NBEA: variants seen among roughly 807,000 people sequenced by gnomAD.
The protein encoded by NBEA is neurobeachin.
Under a neutral mutation model 343.4 loss-of-function variants are expected in NBEA, and 44 were observed. The observed-to-expected ratio is 0.13, with a 90% CI of 0.10 to 0.16. The LOEUF (loss-of-function observed/expected upper bound fraction) is 0.16, where lower values mean the gene tolerates loss of function less well. Among genes scored for constraint, NBEA ranks in the 10% least tolerant of loss-of-function variants. The pLI is 1.00. For synonymous variants in NBEA, 1,175 were observed against 1,238.7 expected, an observed-to-expected ratio of 0.95 and a Z score of 1.08; for missense variants, 2,555 against 3,631.3, an observed-to-expected ratio of 0.70 and a Z score of 7.62.
At chr13:35,093,489 T>C (rs1461127758) in intron 10 of NBEA, among the ~76,000 whole-genome samples, 1 of 152,042 alleles carries the variant, frequency 6.6e-6, no homozygotes, top group Non-Finnish European at 1.5e-5. Context: ...TTCCAGCACT[T>C]CTAGTGTATG....
intron 31 of NBEA, among the ~76,000 whole-genome samples, chr13:35,204,881 C>T (rs533729830): frequency 4.3e-4 from 65 of 152,184 alleles, no homozygotes; most frequent in Admixed American, 3.3e-4. Flanking sequence ...GGTACCTAGA[C>T]TTCTAGGTAA....
rs779227660 is a variant in NBEA at position 35,048,637 on chromosome 13, T to C, written c.798T>C (p.Asp266=). The change falls in exon 5 of 59, where the codon GAT becomes GAC. Residue 266 remains aspartate, a synonymous_variant. Coordinates refer to ENST00000379939, the MANE Select transcript of NBEA (RefSeq NM_001385012.1). ...CCTTAAACACTTGGTTTCGTATGGATCCATTAAATAATATTAATGTTGATA... is the reference window on the plus strand; with the variant it reads ...CCTTAAACACTTGGTTTCGTATGGACCCATTAAATAATATTAATGTTGATA... ...GFTLNTWFRM[D]PLNNINVDKD... The C allele has an allele frequency of 6.7e-7, 1 of 1,482,508 alleles. No individual in the cohort carries two copies. The highest frequency in any genetic ancestry group is 9.4e-7 in the Non-Finnish European group (1 of 1,065,838). The allele number at this position is 1,482,508 out of a possible 1,614,324, so 91.8% of individuals were successfully genotyped here. A position where few individuals can be genotyped will look rare whatever the true frequency, so the allele number is the denominator to read the frequency against.
At chr13:35,354,723 A>G (rs755367671) in intron 38 of NBEA, among the ~76,000 whole-genome samples, 2 of 152,204 alleles carry the variant, frequency 1.3e-5, no homozygotes, top group Admixed American at 1.3e-4. Context: ...AATAGGGCTC[A>G]GTCATTGGAC....
At chr13:35,593,277 G>C in intron 46 of NBEA, 51 bp from the exon 47 acceptor site, 1 of 1,594,920 alleles carries the variant, frequency 6.3e-7, no homozygotes, top group Non-Finnish European at 8.6e-7. Context: ...AAAGGAACGA[G>C]GGCAGCTGTG....
chr13:35,297,338 A>G (rs1005296378), intron 35 of NBEA, among the ~76,000 whole-genome samples: 10 of 151,994 alleles, frequency 6.6e-5, no homozygotes, highest in African/African-American at 1.9e-4. Context: ...AAATATAGGT[A>G]TCTGTTTATA....
chr13:34,953,661 G>A (rs530872398), intron 1 of NBEA, among the ~76,000 whole-genome samples: 7 of 152,192 alleles, frequency 4.6e-5, no homozygotes, highest in African/African-American at 1.2e-4. Context: ...TTCCATATCC[G>A]TGAATTCAGT....
intron 6 of NBEA, among the ~76,000 whole-genome samples, chr13:35,054,933 C>T (rs549455109): frequency 3.3e-5 from 5 of 152,002 alleles, no homozygotes; most frequent in African/African-American, 9.6e-5. Context: ...TATGAGCCAC[C>T]GTGCCCAGCC....
At chr13:35,081,569 A>C (rs1255942103) in intron 10 of NBEA, among the ~76,000 whole-genome samples, 1 of 152,058 alleles carries the variant, frequency 6.6e-6, no homozygotes, top group Non-Finnish European at 1.5e-5. Context: ...GCAACAGGCA[A>C]ATATGGCAGG....
At chr13:35,478,925 C>T (rs552341023) in intron 41 of NBEA, among the ~76,000 whole-genome samples, 3 of 152,366 alleles carry the variant, frequency 2.0e-5, no homozygotes, top group African/African-American at 4.8e-5. Context: ...GGACGCGGGC[C>T]TGCGAGGGAT....
At chr13:35,104,694 C>G (rs1419592742) in intron 11 of NBEA, among the ~76,000 whole-genome samples, 1 of 151,842 alleles carries the variant, frequency 6.6e-6, no homozygotes, top group African/African-American at 2.4e-5. Flanking sequence ...ATCTCCTTGT[C>G]ATAGAAGATG....
intron 1 of NBEA, among the ~76,000 whole-genome samples, chr13:34,955,229 A>C (rs2059456378): frequency 6.6e-6 from 1 of 151,696 alleles, no homozygotes; most frequent in African/African-American, 2.4e-5. Flanking sequence ...TTTTTACTCC[A>C]GCAGGCTCAG....
At chr13:35,416,834 C>G (rs1471507909) in intron 38 of NBEA, among the ~76,000 whole-genome samples, 2 of 152,128 alleles carry the variant, frequency 1.3e-5, no homozygotes, top group African/African-American at 4.8e-5. Context: ...CTTTGTACCT[C>G]TAGTAGAATT....
At chr13:35,431,523 G>C (rs766332896) in intron 38 of NBEA, among the ~76,000 whole-genome samples, 2 of 152,042 alleles carry the variant, frequency 1.3e-5, no homozygotes, top group Non-Finnish European at 2.9e-5. Context: ...TTTAGTATTG[G>C]TTTAGAGTAT....
chr13:35,002,065 T>C (rs2061160244), intron 1 of NBEA, among the ~76,000 whole-genome samples: 1 of 152,224 alleles, frequency 6.6e-6, no homozygotes, highest in South Asian at 2.1e-4. Context: ...AAAGATAAAC[T>C]ATGGTGTATT....
At chr13:35,335,062 C>G (rs1301227320) in intron 36 of NBEA, among the ~76,000 whole-genome samples, 2 of 152,050 alleles carry the variant, frequency 1.3e-5, no homozygotes, top group African/African-American at 2.4e-5. Context: ...TAGTTTCATT[C>G]TTCTGCATAT....
chr13:35,289,024 A>G (rs1457429913), intron 34 of NBEA, among the ~76,000 whole-genome samples: 1 of 151,928 alleles, frequency 6.6e-6, no homozygotes, highest in Admixed American at 6.6e-5. Flanking sequence ...GTACCTTTTT[A>G]CAGCTTGTTC....
intron 38 of NBEA, among the ~76,000 whole-genome samples, chr13:35,413,347 T>G (rs1242421204): frequency 6.6e-6 from 1 of 152,176 alleles, no homozygotes; most frequent in East Asian, 1.9e-4. Flanking sequence ...ATTCTGTTTC[T>G]TATGTATTTT....
intron 36 of NBEA, among the ~76,000 whole-genome samples, chr13:35,320,430 C>G (rs1413326982): frequency 6.6e-6 from 1 of 152,226 alleles, no homozygotes; most frequent in African/African-American, 2.4e-5. Flanking sequence ...TGCCTCCACT[C>G]TCTTCTGGCT....
At chr13:35,394,190 C>A (rs531359197) in intron 38 of NBEA, among the ~76,000 whole-genome samples, 26 of 152,288 alleles carry the variant, frequency 1.7e-4, no homozygotes, top group African/African-American at 6.3e-4. Flanking sequence ...CCTATCTGCA[C>A]CACGCACTTC....
Sources: allele counts gnomAD v4.1 joint callset (sites outside exome capture counted in the v4.1 genomes callset), GRCh38; gene constraint gnomAD v4.1.1; transcripts MANE v1.5; gene names NCBI Gene and HGNC (gene_info 2026-07-23, HGNC 2026-07-21).